Variants in TANC1 observed in about 807,000 individuals in gnomAD.
The protein encoded by TANC1 is protein TANC1.
Under a neutral mutation model 149.7 loss-of-function variants are expected in TANC1, and 77 were observed. The observed-to-expected ratio is 0.51, with a 90% confidence interval of 0.43 to 0.62. The LOEUF (loss-of-function observed/expected upper bound fraction) is 0.62, where lower values mean the gene tolerates loss of function less well. Among genes scored for constraint, TANC1 ranks in the 20% least tolerant of loss-of-function variants. The pLI, the probability that TANC1 is intolerant of heterozygous loss-of-function variation, is 0.00. For missense variants in TANC1, 1,985 were observed against 2,321.8 expected, an observed-to-expected ratio of 0.85 and a Z score of 2.98; for synonymous variants, 854 against 925.0, an observed-to-expected ratio of 0.92 and a Z score of 1.39.
At chr2:159,031,460 A>G (rs1015901672) in intron 2 of TANC1, among the ~76,000 whole-genome samples, 8 of 152,234 alleles carry the variant, frequency 5.3e-5, no homozygotes, top group Admixed American at 1.3e-4. Flanking sequence ...TACATATTCA[A>G]TCATGAGCTT....
intron 1 of TANC1, among the ~76,000 whole-genome samples, chr2:158,999,571 G>A (rs539585995): frequency 1.3e-5 from 2 of 152,242 alleles, no homozygotes; most frequent in African/African-American, 4.8e-5. Flanking sequence ...AAACTGCCTT[G>A]CTATTTTGGG....
chr2:159,092,936 G>A (rs956264550), intron 3 of TANC1, among the ~76,000 whole-genome samples: 2 of 152,186 alleles, frequency 1.3e-5, no homozygotes, highest in African/African-American at 4.8e-5. Context: ...GAGCTGACCG[G>A]TTGTGGGGAG....
intron 2 of TANC1, among the ~76,000 whole-genome samples, chr2:159,057,300 C>T (rs932378842): frequency 2.0e-5 from 3 of 152,188 alleles, no homozygotes; most frequent in Non-Finnish European, 4.4e-5. Context: ...TTGTTTTTAC[C>T]TTGTAGACAA....
intron 3 of TANC1, among the ~76,000 whole-genome samples, chr2:159,067,982 C>A (rs2042812201): frequency 6.6e-6 from 1 of 152,196 alleles, no homozygotes; most frequent in African/African-American, 2.4e-5. Flanking sequence ...TTTTCTGAAT[C>A]ATTTCTTCAT....
intron 8 of TANC1, among the ~76,000 whole-genome samples, chr2:159,164,966 C>T (rs185651987): frequency 6.6e-6 from 1 of 152,314 alleles, no homozygotes; most frequent in Admixed American, 6.5e-5. Flanking sequence ...ACCACTGTCC[C>T]ACCACTTTAA....
intron 2 of TANC1, among the ~76,000 whole-genome samples, chr2:159,043,313 G>A (rs1334810349): frequency 6.6e-6 from 1 of 151,992 alleles, no homozygotes; most frequent in Admixed American, 6.6e-5. Flanking sequence ...TTCTTGGGAG[G>A]AACTTACGGG....
Position 159,174,939 on chromosome 2 carries a change from C to A in TANC1, c.1504-14C>A. ...AGAGGGTGAGGTGATGCTGACGGTT[C>A]TGCTTCCCCCTAGGTGGTGGCCTAC... On this transcript the variant is annotated splice_polypyrimidine_tract_variant and intron_variant, in intron 11 of 26. Transcript: ENST00000263635. 1 of 1,608,034 alleles carries A rather than the reference C, an allele frequency of 6.2e-7. No individual in the cohort carries two copies. Among genetic ancestry groups the A allele is most frequent in the Non-Finnish European group, 8.5e-7 (1 of 1,175,088 alleles).
At chr2:159,158,260 T>TGAGGTGGA (rs1302244142) in intron 7 of TANC1, among the ~76,000 whole-genome samples, 2 of 152,160 alleles carry the variant, frequency 1.3e-5, no homozygotes. Context: ...CTCAGGAGGC[T>TGAGGTGGA]GAGGTGGAAA....
chr2:159,062,709 T>C (rs902465137), intron 2 of TANC1, among the ~76,000 whole-genome samples: 1 of 152,032 alleles, frequency 6.6e-6, no homozygotes, highest in Admixed American at 6.6e-5. Flanking sequence ...GGCTCACGCC[T>C]GTAATCCCAG....
chr2:159,176,497 G>T lies in TANC1; in HGVS notation c.1881G>T (p.Val627=). 1 of 1,591,230 alleles carries T rather than the reference G, an allele frequency of 6.3e-7. No individual in the cohort carries two copies. Among genetic ancestry groups the T allele is most frequent in the South Asian group, 1.2e-5 (1 of 85,566 alleles). Residue 627 remains valine, a synonymous_variant, in exon 13 of 27, where the codon GTG becomes GTT. Coordinates refer to ENST00000263635, the MANE Select transcript of TANC1 (RefSeq NM_033394.3). ...TTCCTGCCTGGTTGAAGTTGATTGT[G>T]ACTGTAAGAGCAAATTTTCAGGTAA... The part of the protein sequence containing the change: ...SKFPAWLKLI[V]TVRANFQEII...
At chr2:159,003,588 T>C (rs1435725866) in intron 2 of TANC1, among the ~76,000 whole-genome samples, 1 of 151,694 alleles carries the variant, frequency 6.6e-6, no homozygotes, top group Non-Finnish European at 1.5e-5. Flanking sequence ...GGTAGAGGCA[T>C]AAAGTGGAAG....
chr2:159,116,116 A>G lies in TANC1; in HGVS notation c.259+18282A>G, dbSNP rs377170140. On this transcript the variant is annotated intron_variant, in intron 4 of 26. Transcript: ENST00000263635. ...GACGCAGAGGCTGTGAAGGTCAAGT[A>G]TGATAAGGAATGAAAAGTACCTGTT... 9.2e-5 allele frequency among the ~76,000 whole-genome samples: 14 copies of G among 152,212 alleles called. No individual in the cohort carries two copies. The East Asian group carries it at 2.5e-3, about 27-fold the overall frequency.
chr2:159,129,167 CTG>C (rs1466587146), intron 4 of TANC1, among the ~76,000 whole-genome samples: 3 of 152,162 alleles, frequency 2.0e-5, no homozygotes, highest in Non-Finnish European at 4.4e-5. Context: ...CTCAGGTGTT[CTG>C]TGTCCCAAAT....
At chr2:159,034,604 C>T (rs1478944676) in intron 2 of TANC1, among the ~76,000 whole-genome samples, 1 of 152,164 alleles carries the variant, frequency 6.6e-6, no homozygotes, top group African/African-American at 2.4e-5. Flanking sequence ...TAGCAGGACA[C>T]CTGTCTCATG....
chr2:159,026,036 C>T (rs1352256676), intron 2 of TANC1, among the ~76,000 whole-genome samples: 1 of 152,188 alleles, frequency 6.6e-6, no homozygotes, highest in Non-Finnish European at 1.5e-5. Context: ...TGGGCTCAAG[C>T]GATCATCTTG....
At chr2:159,216,427 G>T (rs1224030826) in intron 19 of TANC1, among the ~76,000 whole-genome samples, 2 of 152,074 alleles carry the variant, frequency 1.3e-5, no homozygotes, top group South Asian at 2.1e-4. Context: ...GCCATCCCTC[G>T]CCACTCAGCC....
chr2:159,082,005 A>T (rs2044320489), intron 3 of TANC1, among the ~76,000 whole-genome samples: 1 of 152,230 alleles, frequency 6.6e-6, no homozygotes, highest in South Asian at 2.1e-4. Context: ...TGCTACCATC[A>T]GACCCTTCCA....
chr2:158,981,587 A>G, intron 1 of TANC1, among the ~76,000 whole-genome samples: 1 of 142,862 alleles, frequency 7.0e-6, no homozygotes, highest in Admixed American at 7.1e-5. Context: ...TTATTAGTAT[A>G]TCAAAGGGAT....
At chr2:159,036,168 C>G (rs1171271878) in intron 2 of TANC1, among the ~76,000 whole-genome samples, 3 of 152,100 alleles carry the variant, frequency 2.0e-5, no homozygotes, top group Admixed American at 1.3e-4. Context: ...GGCCCTCTCC[C>G]TTTTATGAGC....
Sources: allele counts gnomAD v4.1 joint callset (sites outside exome capture counted in the v4.1 genomes callset), GRCh38; gene constraint gnomAD v4.1.1; transcripts MANE v1.5; gene names NCBI Gene and HGNC (gene_info 2026-07-23, HGNC 2026-07-21).